The following ITPRID1 variants were observed in gnomAD, a reference collection of about 807,000 sequenced individuals.
ITPRID1 encodes protein ITPRID1.
Under a neutral mutation model 95.4 loss-of-function variants are expected in ITPRID1, and 96 were observed. The observed-to-expected ratio is 1.01, with a 90% CI of 0.85 to 1.19. The LOEUF (loss-of-function observed/expected upper bound fraction) is 1.19, where lower values mean the gene tolerates loss of function less well. ITPRID1 is among the 50% of genes most tolerant of loss of function. The pLI, the probability that ITPRID1 is intolerant of heterozygous loss-of-function variation, is 0.00. For missense variants in ITPRID1, 1,339 were observed against 1,252.9 expected, an observed-to-expected ratio of 1.07 and a Z score of -1.04; for synonymous variants, 510 against 453.6, an observed-to-expected ratio of 1.12 and a Z score of -1.58.
chr7:31,628,469 T>C (rs1482366592), intron 10 of ITPRID1, among the ~76,000 whole-genome samples: 2 of 151,734 alleles, frequency 1.3e-5, no homozygotes, highest in Non-Finnish European at 2.9e-5. Context: ...TTCTTTTTTT[T>C]TCTTTTTTTG....
intron 1 of ITPRID1, among the ~76,000 whole-genome samples, chr7:31,541,196 G>A (rs1783922890): frequency 6.6e-6 from 1 of 152,090 alleles, no homozygotes; most frequent in Non-Finnish European, 1.5e-5. Context: ...GCAAAACAAA[G>A]GATTAGTAAT....
chr7:31,658,482 A>G (rs545566616), downstream of ITPRID1: 4 of 1,170,666 alleles, frequency 3.4e-6, no homozygotes, highest in African/African-American at 6.1e-5. Flanking sequence ...TAGAGTATCA[A>G]AGTGGTGCCC....
intron 10 of ITPRID1, among the ~76,000 whole-genome samples, chr7:31,628,208 C>T (rs1050804267): frequency 6.6e-6 from 1 of 152,198 alleles, no homozygotes; most frequent in Non-Finnish European, 1.5e-5. Flanking sequence ...GTTCTTTCTT[C>T]TGCCCTTCAA....
chr7:31,614,114 C>G (rs572632472), intron 10 of ITPRID1, among the ~76,000 whole-genome samples: 1 of 152,276 alleles, frequency 6.6e-6, no homozygotes, highest in South Asian at 2.1e-4. Flanking sequence ...CCCTCTACCA[C>G]ACAATGTTCT....
chr7:31,619,806 TTGC>T (rs1275052078), intron 10 of ITPRID1, among the ~76,000 whole-genome samples: 1 of 152,136 alleles, frequency 6.6e-6, no homozygotes, highest in African/African-American at 2.4e-5. Context: ...GCGCGAGGCA[TTGC>T]CTCCCTCGGG....
chr7:31,598,051 A>G (rs1370582044), intron 10 of ITPRID1, among the ~76,000 whole-genome samples: 1 of 152,214 alleles, frequency 6.6e-6, no homozygotes. Context: ...GTGGTTATCC[A>G]TATAGAAAAA....
Position 31,654,808 on chromosome 7 carries a change from T to C in ITPRID1, c.*1979T>C, listed in dbSNP as rs1791217100. Among the ~76,000 whole-genome samples the C allele has an allele frequency of 6.6e-6, 1 of 152,138 alleles. No individual in the cohort carries two copies. Among genetic ancestry groups the C allele is most frequent in the Non-Finnish European group, 1.5e-5 (1 of 68,016 alleles). ...GATGGTCAAAGGAGAGGTCACTTCT[T>C]AGCAAGTAACCTCAGAAACTAATTC... is the stretch of plus-strand genomic sequence containing the variant. On this transcript the variant is annotated 3_prime_UTR_variant, in exon 15 of 15. Transcript: ENST00000615280.
intron 4 of ITPRID1, 38 bp downstream of exon 4, chr7:31,554,561 C>T: frequency 2.5e-6 from 4 of 1,608,016 alleles, no homozygotes; most frequent in Non-Finnish European, 3.4e-6. Context: ...ACATGTTTCT[C>T]TTGCAAAGAT....
intron 10 of ITPRID1, among the ~76,000 whole-genome samples, chr7:31,601,529 T>C (rs1786392346): frequency 6.6e-6 from 1 of 152,056 alleles, no homozygotes; most frequent in South Asian, 2.1e-4. Context: ...TGAGGAAAAG[T>C]GATTAAATAA....
intron 10 of ITPRID1, among the ~76,000 whole-genome samples, chr7:31,613,601 A>G (rs1309856925): frequency 6.6e-6 from 1 of 152,228 alleles, no homozygotes; most frequent in Non-Finnish European, 1.5e-5. Flanking sequence ...CTAGTAGAAT[A>G]TCAGGTAGGA....
At chr7:31,544,757 C>G (rs1431200780) in intron 1 of ITPRID1, among the ~76,000 whole-genome samples, 2 of 152,094 alleles carry the variant, frequency 1.3e-5, no homozygotes, top group African/African-American at 2.4e-5. Context: ...ATCATTGAAT[C>G]TATTGATTTA....
Position 31,653,177 on chromosome 7 carries a change from G to A in ITPRID1, c.*348G>A, listed in dbSNP as rs896467562. 3 of 236,800 alleles carry A rather than the reference G, an allele frequency of 1.3e-5. No individual in the cohort carries two copies. Among genetic ancestry groups the A allele is most frequent in the Non-Finnish European group, 1.6e-5 (2 of 124,664 alleles). The allele number at this position is 236,800 out of a possible 1,614,324, so 14.7% of individuals were successfully genotyped here. Reference sequence around the variant, plus strand: ...CAATATAGAAGTTTATTTTGCCAAGGTTAAGGATACACACCCAGAAGACAG... The same window carrying A: ...CAATATAGAAGTTTATTTTGCCAAGATTAAGGATACACACCCAGAAGACAG... On this transcript the variant is annotated 3_prime_UTR_variant, in exon 15 of 15. Coordinates refer to ENST00000615280, the MANE Select transcript of ITPRID1 (RefSeq NM_001257967.3).
intron 1 of ITPRID1, among the ~76,000 whole-genome samples, chr7:31,541,455 G>C (rs1345258708): frequency 2.6e-5 from 4 of 152,140 alleles, no homozygotes; most frequent in African/African-American, 4.8e-5. Flanking sequence ...AATTGTTTAT[G>C]GATGACAAAA....
At chr7:31,611,882 A>G (rs1310101773) in intron 10 of ITPRID1, among the ~76,000 whole-genome samples, 2 of 151,810 alleles carry the variant, frequency 1.3e-5, no homozygotes, top group South Asian at 4.1e-4. Context: ...GGTTCTGTAC[A>G]TTGTTTCTCA....
Position 31,648,386 on chromosome 7 carries a change from T to C in ITPRID1, c.2584-2756T>C, listed in dbSNP as rs192306114. 2.6e-5 allele frequency among the ~76,000 whole-genome samples: 4 copies of C among 152,266 alleles called. No individual in the cohort carries two copies. The East Asian group carries it at 7.7e-4, about 29-fold the overall frequency. Reference sequence around the variant, plus strand: ...AAAACACTCTATTTTTGAGGGTTTTTATTTATTTTTTTTCTCACCTACAGT... The same window carrying C: ...AAAACACTCTATTTTTGAGGGTTTTCATTTATTTTTTTTCTCACCTACAGT... On this transcript the variant is annotated intron_variant, in intron 12 of 14. Coordinates refer to ENST00000615280, the MANE Select transcript of ITPRID1 (RefSeq NM_001257967.3).
At chr7:31,552,657 A>G (rs1784319283) in intron 2 of ITPRID1, among the ~76,000 whole-genome samples, 1 of 152,172 alleles carries the variant, frequency 6.6e-6, no homozygotes, top group African/African-American at 2.4e-5. Flanking sequence ...TATAACTGTT[A>G]GGTAAATTTG....
intron 12 of ITPRID1, among the ~76,000 whole-genome samples, chr7:31,645,282 A>G (rs1025930512): frequency 5.9e-5 from 9 of 152,218 alleles, no homozygotes; most frequent in African/African-American, 2.2e-4. Flanking sequence ...TGGCCTTTCA[A>G]TGTATAGAAA....
At chr7:31,554,338 A>T in intron 3 of ITPRID1, 137 bp from the exon 4 acceptor site, 1 of 1,359,760 alleles carries the variant, frequency 7.4e-7, no homozygotes, top group Non-Finnish European at 9.5e-7. Context: ...TCAGGAAAAA[A>T]AATGAATATG....
chr7:31,587,536 A>C (rs1308500259), intron 10 of ITPRID1, among the ~76,000 whole-genome samples: 1 of 146,494 alleles, frequency 6.8e-6, no homozygotes, highest in African/African-American at 2.5e-5. Flanking sequence ...GGTAGGAAGA[A>C]TCAATATCGT....
Sources: gnomAD v4.1 joint callset for allele counts (sites outside exome capture counted in the v4.1 genomes callset) on GRCh38, gnomAD v4.1.1 for gene constraint, MANE v1.5 for transcripts, NCBI Gene and HGNC (gene_info 2026-07-23, HGNC 2026-07-21) for gene names.